MYO1F: variants seen among roughly 807,000 people sequenced by gnomAD.
MYO1F encodes the protein unconventional myosin-If.
Under a neutral mutation model 146.6 loss-of-function variants are expected in MYO1F, and 60 were observed. That is an observed-to-expected ratio of 0.41 (90% CI 0.33 to 0.51). MYO1F has a LOEUF of 0.51. Ranked by LOEUF, MYO1F falls within the 20% of genes least tolerant of loss-of-function variation. MYO1F has a pLI of 0.25. For missense variants in MYO1F, 1,274 were observed against 1,534.3 expected (o/e 0.83, Z 2.83); for synonymous variants, 602 against 602.1 (o/e 1.00, Z 0.00).
intron 1 of MYO1F, among the ~76,000 whole-genome samples, chr19:8,574,654 C>CCTTTCTCTTTCT (rs2042196805): frequency 2.0e-5 from 1 of 49,954 alleles, no homozygotes; most frequent in Non-Finnish European, 4.4e-5. Flanking sequence ...TCCTTTCTTT[C>CCTTTCTCTTTCT]TCTTTCTTCT....
At chr19:8,572,256 A>G (rs995964522) in intron 1 of MYO1F, among the ~76,000 whole-genome samples, 91 of 124,834 alleles carry the variant, frequency 7.3e-4, no homozygotes, top group African/African-American at 2.9e-3. Flanking sequence ...TTTGCATCCA[A>G]TCAATTATGG....
At chr19:8,566,760 C>T (rs1285510459) in intron 1 of MYO1F, among the ~76,000 whole-genome samples, 6 of 151,404 alleles carry the variant, frequency 4.0e-5, no homozygotes, top group East Asian at 1.9e-4. Flanking sequence ...GTGATCCACC[C>T]GCCTCAGCCT....
chr19:8,566,123 A>G (rs73004532), intron 1 of MYO1F, among the ~76,000 whole-genome samples: 46,560 of 145,896 alleles, frequency 0.32, 7,907 homozygotes, highest in East Asian at 0.59. Context: ...CAAACACCAA[A>G]CTAGCACTTA....
chr19:8,574,280 C>G (rs1308324017), intron 1 of MYO1F, among the ~76,000 whole-genome samples: 3 of 152,180 alleles, frequency 2.0e-5, no homozygotes, highest in Admixed American at 6.6e-5. Flanking sequence ...AATGACCACT[C>G]GCAGCAACTC....
intron 24 of MYO1F, 34 bp downstream of exon 24, chr19:8,526,419 C>G (rs1449308112): frequency 6.5e-7 from 1 of 1,548,662 alleles, no homozygotes; most frequent in African/African-American, 1.4e-5. Context: ...CTCGCTGGCC[C>G]CGCCCCCTCT....
chr19:8,546,054 CTCTTTTTTTTTTTT>C, intron 12 of MYO1F, among the ~76,000 whole-genome samples: 1 of 140,230 alleles, frequency 7.1e-6, no homozygotes, highest in East Asian at 2.1e-4. Context: ...ACTATTTTGA[CTCTTTTTTTTTTTT>C]TTTTTTTTTT....
chr19:8,563,621 G>A (rs918113968), intron 1 of MYO1F, among the ~76,000 whole-genome samples: 3 of 151,650 alleles, frequency 2.0e-5, no homozygotes, highest in African/African-American at 7.3e-5. Flanking sequence ...CGATTTTCCT[G>A]CCTCAGCCTC....
intron 14 of MYO1F, among the ~76,000 whole-genome samples, chr19:8,542,625 G>C (rs1390087305): frequency 6.8e-6 from 1 of 146,940 alleles, no homozygotes; most frequent in Non-Finnish European, 1.5e-5. Context: ...TTTTGAGAAA[G>C]AGTCTTGCTC....
At position 8,551,792 on chromosome 19, in the gene MYO1F, T is replaced by A; in HGVS notation, c.719A>T (p.Asp240Val). 6.2e-7 allele frequency: 1 copy of A among 1,614,132 alleles called. No homozygotes were observed. The highest frequency in any genetic ancestry group is 1.3e-5 in the African/African-American group (1 of 75,028). Residue 240 changes from aspartate (D) to valine (V), a missense_variant, in exon 8 of 28, where the codon GAC (aspartate) becomes GTC (valine). Physicochemically the swap from Asp to Val is radical, Grantham distance 152. This residue lies in a region of MYO1F where 900 missense variants were observed against 1,155.1 expected (regional missense o/e 0.78). Coordinates refer to ENST00000644032, the MANE Select transcript of MYO1F (RefSeq NM_012335.4). ...GTCCGTGCCGTCCACCTGGTAGGTGTCCGATTGGTTGAGGTAGTAATAGTA... is the reference window on the plus strand; with the variant it reads ...GTCCGTGCCGTCCACCTGGTAGGTGACCGATTGGTTGAGGTAGTAATAGTA... ...PDYYYYLNQS[D>V]TYQVDGTDDR...
At chr19:8,543,900 G>C (rs1252589042) in intron 14 of MYO1F, among the ~76,000 whole-genome samples, 1 of 78,006 alleles carries the variant, frequency 1.3e-5, no homozygotes, top group Admixed American at 1.2e-4. Context: ...GGTGGTGCTG[G>C]TGGTGGTGGT....
Position 8,521,556 on chromosome 19 carries a change from A to T in MYO1F, c.3269T>A (p.Phe1090Tyr), listed in dbSNP as rs746766742. The T allele has an allele frequency of 6.2e-7, 1 of 1,614,094 alleles. No individual in the cohort carries two copies. The highest frequency in any genetic ancestry group is 2.2e-5 in the East Asian group (1 of 44,876). ...KGRLHGQEGLFPGNYVEKI is the reference protein window; with the variant it reads ...KGRLHGQEGLYPGNYVEKI The stretch of plus-strand genomic sequence containing the variant: ...GATCTTCTCCACGTAGTTTCCTGGG[A>T]AAAGGCCCTCCTGGCCGTGAAGCCG... The change falls in exon 28 of 28, where the codon TTC (phenylalanine) becomes TAC (tyrosine). Residue 1090 changes from phenylalanine (F) to tyrosine (Y), a missense_variant. By Grantham distance (22) the Phe-to-Tyr change is conservative (BLOSUM62 3). Around this residue, in one of 2 missense-constraint regions of MYO1F, gnomAD observed 374 missense variants for 379.2 expected, o/e 0.99. Transcript: ENST00000644032.
chr19:8,521,714 C>A, intron 27 of MYO1F, 110 bp from the exon 28 acceptor site: 1 of 1,007,034 alleles, frequency 9.9e-7, no homozygotes, highest in South Asian at 1.3e-5. Flanking sequence ...CCAGGCTGGT[C>A]TTAAACTCCT....
intron 1 of MYO1F, among the ~76,000 whole-genome samples, chr19:8,575,871 C>G (rs2042230980): frequency 6.6e-6 from 1 of 152,192 alleles, no homozygotes; most frequent in East Asian, 1.9e-4. Context: ...TTCTTTTGAT[C>G]AAAGCCCTGC....
chr19:8,523,792 C>T (rs1972155397), intron 25 of MYO1F, among the ~76,000 whole-genome samples: 2 of 152,090 alleles, frequency 1.3e-5, no homozygotes, highest in Admixed American at 1.3e-4. Flanking sequence ...ATAGCTGGGA[C>T]TATAGGCACA....
Position 8,568,437 on chromosome 19 carries a change from A to AACAAAAC in MYO1F, c.3+8869_3+8870insGTTTTGT, listed in dbSNP as rs1478774639. Among the ~76,000 whole-genome samples the AACAAAAC allele has an allele frequency of 4.7e-3, 713 of 150,682 alleles. 4 individuals carry two copies. The highest frequency in any genetic ancestry group is 0.01 in the Middle Eastern group (3 of 294). ...GACTCCGTCTCAAAAAAAAAAAAAAAAAAAAAAATTAATCACAGGCTGTTT... is the reference window on the plus strand; with the variant it reads ...GACTCCGTCTCAAAAAAAAAAAAAAAACAAAACAAAAAAAATTAATCACAGGCTGTTT... On this transcript the variant is annotated intron_variant, in intron 1 of 27. Coordinates refer to ENST00000644032, the MANE Select transcript of MYO1F (RefSeq NM_012335.4).
At chr19:8,553,894 A>ACACACACACACTCTCTCTCTCT in intron 4 of MYO1F, among the ~76,000 whole-genome samples, 30 of 102,660 alleles carry the variant, frequency 2.9e-4, no homozygotes, top group African/African-American at 2.9e-4. Flanking sequence ...ACACACACAC[A>ACACACACACACTCTCTCTCTCT]CTCTCTCTCT....
rs1274685723 is a variant in MYO1F, at chr19:8,553,371, A to G, written c.393T>C (p.Ser131=). 1.9e-6 allele frequency: 3 copies of G among 1,614,106 alleles called. No individual in the cohort carries two copies. The highest frequency in any genetic ancestry group is 8.5e-7 in the Non-Finnish European group (1 of 1,180,020). ...KYIMGYISKV[S]GGGEKVQHVK... is the part of the protein sequence containing the mutation. ...TCACCTGGACCTTCTCGCCTCCGCC[A>G]GACACCTTGGAGATGTAGCCCATGA... Residue 131 remains serine (S), a synonymous_variant, in exon 5 of 28, where the codon TCT becomes TCC. Coordinates refer to ENST00000644032, the MANE Select transcript of MYO1F (RefSeq NM_012335.4).
intron 24 of MYO1F, 98 bp downstream of exon 24, chr19:8,526,355 C>T (rs1427878399): frequency 3.3e-6 from 5 of 1,493,674 alleles, no homozygotes; most frequent in Non-Finnish European, 4.5e-6. Context: ...AAAAGTCTCT[C>T]TCTCTCTCTC....
At position 8,550,300 on chromosome 19, in the gene MYO1F, G is replaced by T; in HGVS notation, c.961C>A (p.Leu321Met). The T allele has an allele frequency of 1.2e-6, 2 of 1,614,022 alleles. No individual in the cohort carries two copies. The highest frequency in any genetic ancestry group is 1.7e-6 in the Non-Finnish European group (2 of 1,179,990). ...GIDSGRLQEKLTSRKMDSRWG... is the reference protein window; with the variant it reads ...GIDSGRLQEKMTSRKMDSRWG... ...CGGCTGTCCATCTTGCGGCTGGTCA[G>T]CTTCTCCTGCAGTCGCCCGCTGTCA... The change falls in exon 10 of 28, where the codon CTG becomes ATG. Residue 321 changes from leucine (L) to methionine (M), a missense_variant. By Grantham distance (15) the Leu-to-Met change is conservative. Around this residue, in one of 2 missense-constraint regions of MYO1F, gnomAD observed 900 missense variants for 1,155.1 expected, o/e 0.78. Coordinates refer to ENST00000644032, the MANE Select transcript of MYO1F (RefSeq NM_012335.4).
Sources: gnomAD v4.1 joint callset for allele counts (sites outside exome capture counted in the v4.1 genomes callset) on GRCh38, gnomAD v4.1.1 for gene constraint, gnomAD v4.1.1 regional missense constraint, MANE v1.5 for transcripts, NCBI Gene and HGNC (gene_info 2026-07-23, HGNC 2026-07-21) for gene names.